LMAN2: variants seen among roughly 807,000 people sequenced by gnomAD.
LMAN2 encodes vesicular integral-membrane protein VIP36.
LMAN2 carries 22 observed loss-of-function variants against 39.3 expected under a neutral mutation model. The observed-to-expected ratio is 0.56, with a 90% confidence interval of 0.40 to 0.80. The LOEUF is 0.80. Among genes scored for constraint, LMAN2 ranks in the 30% least tolerant of loss-of-function variants. The pLI is 0.00. For synonymous variants in LMAN2, 207 were observed against 207.8 expected (o/e 1.00, Z 0.03); for missense variants, 494 against 505.4 (o/e 0.98, Z 0.22).
At chr5:177,345,109 G>C (rs902656577) in intron 2 of LMAN2, among the ~76,000 whole-genome samples, 3 of 151,796 alleles carry the variant, frequency 2.0e-5, no homozygotes, top group Non-Finnish European at 2.9e-5. Context: ...GGGAGGGCAA[G>C]GTGGGTGGAC....
Position 177,337,712 on chromosome 5 carries a change from G to C in LMAN2, c.507C>G (p.Thr169=), listed in dbSNP as rs769121880. 3 of 1,613,976 alleles carry C rather than the reference G, an allele frequency of 1.9e-6. No homozygotes were observed. In the South Asian group the frequency reaches 3.3e-5, roughly 18 times the overall value. Residue 169 remains threonine (T), a synonymous_variant, in exon 4 of 8, where the codon ACC becomes ACG. Transcript: ENST00000303127. This position sits in a 1 kb window ranked among gnomAD's most constrained non-coding sequence, Gnocchi z 8.2. ...IFLDTYPNDE[T]TERVFPYISV... The stretch of plus-strand genomic sequence containing the variant: ...GGATAGAGCAGGGGCCTACCTCAGT[G>C]GTCTCATCATTGGGGTAGGTGTCCA...
rs532702564 is a variant in LMAN2, at chr5:177,336,026, T to C, written c.790+1110A>G. On this transcript the variant is annotated intron_variant, in intron 6 of 7. Coordinates refer to ENST00000303127, the MANE Select transcript of LMAN2 (RefSeq NM_006816.3). ...CTGCCCTGGGCCAAACAGCCATTTATAGAGCTTACAATTGAGCAGGAGGGC... is the reference window on the plus strand; with the variant it reads ...CTGCCCTGGGCCAAACAGCCATTTACAGAGCTTACAATTGAGCAGGAGGGC... 1.2e-4 allele frequency among the ~76,000 whole-genome samples: 18 copies of C among 152,326 alleles called. No homozygotes were observed. The South Asian group carries it at 1.9e-3, about 16-fold the overall frequency.
intron 2 of LMAN2, among the ~76,000 whole-genome samples, chr5:177,339,402 G>A (rs1184215776): frequency 6.6e-6 from 1 of 152,238 alleles, no homozygotes; most frequent in African/African-American, 2.4e-5. Flanking sequence ...CGCTGGGGAT[G>A]AGAGCTGGTC....
intron 2 of LMAN2, among the ~76,000 whole-genome samples, chr5:177,339,198 C>T (rs1363463895): frequency 6.6e-6 from 1 of 152,186 alleles, no homozygotes; most frequent in Admixed American, 6.5e-5. Context: ...GGCCTGCAGG[C>T]CTTTCACATA....
At chr5:177,336,779 G>A (rs889552888) in intron 6 of LMAN2, 3 of 379,924 alleles carry the variant, frequency 7.9e-6, no homozygotes, top group East Asian at 6.6e-5. Context: ...TAACTGACCC[G>A]CTGCCTCCTG....
Position 177,332,298 on chromosome 5 carries a change from G to A in LMAN2, c.911-52C>T. 1.3e-6 allele frequency: 2 copies of A among 1,551,010 alleles called. No homozygotes were observed. The highest frequency in any genetic ancestry group is 1.8e-6 in the Non-Finnish European group (2 of 1,135,360). On this transcript the variant is annotated intron_variant, in intron 7 of 7. Coordinates refer to ENST00000303127, the MANE Select transcript of LMAN2 (RefSeq NM_006816.3). The surrounding 1 kb of genome is among the most constrained non-coding windows in gnomAD (Gnocchi z 6.3). ...AAACGGCAGCACGGGCCGGGGATCA[G>A]GGGGCTGCAGGAGGGCAGTGGGGAT... is the stretch of plus-strand genomic sequence containing the variant.
intron 3 of LMAN2, among the ~76,000 whole-genome samples, chr5:177,338,031 G>C (rs962873128): frequency 6.6e-6 from 1 of 152,070 alleles, no homozygotes; most frequent in Non-Finnish European, 1.5e-5. Context: ...GCAGATGTCA[G>C]GTGTCAAGGG....
At chr5:177,349,363 T>G (rs370594741) in intron 2 of LMAN2, among the ~76,000 whole-genome samples, 1 of 152,322 alleles carries the variant, frequency 6.6e-6, no homozygotes, top group South Asian at 2.1e-4. Flanking sequence ...CTCCAGCTCA[T>G]TAAAGGAAGA....
At chr5:177,342,585 C>T (rs1403173550) in intron 2 of LMAN2, among the ~76,000 whole-genome samples, 4 of 152,122 alleles carry the variant, frequency 2.6e-5, no homozygotes, top group Non-Finnish European at 5.9e-5. Flanking sequence ...ACTTGTGGGG[C>T]TGAGGCAGGA....
rs1470154413 is a variant in LMAN2, at chr5:177,337,018, G to C, written c.790+118C>G. The stretch of plus-strand genomic sequence containing the variant: ...CCATTTACAGAAGAAAGGAGGAGGA[G>C]GAACACAGCCAGGTGAGCTCAGAAA... On this transcript the variant is annotated intron_variant, in intron 6 of 7. Transcript: ENST00000303127. This position sits in a 1 kb window ranked among gnomAD's most constrained non-coding sequence, Gnocchi z 8.2. 3 of 721,294 alleles carry C rather than the reference G, an allele frequency of 4.2e-6. No individual in the cohort carries two copies. Among genetic ancestry groups the C allele is most frequent in the Non-Finnish European group, 7.1e-6 (3 of 421,290 alleles). 44.7% of individuals were successfully genotyped at this position (721,294 alleles called of 1,614,324 possible).
intron 2 of LMAN2, among the ~76,000 whole-genome samples, chr5:177,350,822 A>AGG (rs1019464072): frequency 6.6e-6 from 1 of 152,148 alleles, no homozygotes; most frequent in East Asian, 1.9e-4. Context: ...CCCATTACTG[A>AGG]GGGGGTTCAA....
At chr5:177,336,759 T>G (rs1266894207) in intron 6 of LMAN2, among the ~76,000 whole-genome samples, 1 of 152,182 alleles carries the variant, frequency 6.6e-6, no homozygotes, top group Non-Finnish European at 1.5e-5. Flanking sequence ...GAATCTACAT[T>G]GCCCAAATCT....
intron 2 of LMAN2, among the ~76,000 whole-genome samples, chr5:177,345,872 A>G (rs948234846): frequency 1.3e-5 from 2 of 152,072 alleles, no homozygotes; most frequent in South Asian, 2.1e-4. Context: ...GGTTCAAGCA[A>G]TTCTCCTGCC....
intron 2 of LMAN2, among the ~76,000 whole-genome samples, chr5:177,342,871 T>TGA (rs1227627019): frequency 6.6e-6 from 1 of 150,680 alleles, no homozygotes; most frequent in Non-Finnish European, 1.5e-5. Context: ...TCAAAGAGCA[T>TGA]GATCAAGAGG....
At chr5:177,351,042 T>C in intron 2 of LMAN2, 131 bp downstream of exon 2, 1 of 778,492 alleles carries the variant, frequency 1.3e-6, no homozygotes, top group South Asian at 1.4e-5. Flanking sequence ...TATTGGTGGG[T>C]GTGACCGAGA....
At chr5:177,341,403 A>AG (rs888183223) in intron 2 of LMAN2, among the ~76,000 whole-genome samples, 5 of 152,150 alleles carry the variant, frequency 3.3e-5, no homozygotes, top group African/African-American at 1.2e-4. Flanking sequence ...AAGGAACCAG[A>AG]GGGAAAAAAG....
At chr5:177,346,089 C>T (rs570125196) in intron 2 of LMAN2, 79 of 153,414 alleles carry the variant, frequency 5.1e-4, no homozygotes, top group African/African-American at 1.9e-3. Context: ...TTAAAGATAC[C>T]TGAAGAAAAC....
rs535436941 is a variant in LMAN2 at position 177,332,432 on chromosome 5, G to A, written c.911-186C>T. Among the ~76,000 whole-genome samples the A allele has an allele frequency of 6.6e-6, 1 of 152,278 alleles. No homozygotes were observed. Among genetic ancestry groups the A allele is most frequent in the East Asian group, 1.9e-4 (1 of 5,188 alleles). On this transcript the variant is annotated intron_variant, in intron 7 of 7. Coordinates refer to ENST00000303127, the MANE Select transcript of LMAN2 (RefSeq NM_006816.3). The surrounding 1 kb of genome is among the most constrained non-coding windows in gnomAD (Gnocchi z 6.3). The stretch of plus-strand genomic sequence containing the variant: ...TCCCAGCCAGCTCTGCAGTCCCCAG[G>A]GCAGGGTGGGGCAGAGAGAGGACCA...
At chr5:177,346,729 T>C (rs1359585387) in intron 2 of LMAN2, among the ~76,000 whole-genome samples, 3 of 151,950 alleles carry the variant, frequency 2.0e-5, no homozygotes, top group Admixed American at 1.3e-4. Context: ...TTTGAACTCC[T>C]TGACTCAAGC....
Sources: gnomAD v4.1 joint callset for allele counts (sites outside exome capture counted in the v4.1 genomes callset) on GRCh38, gnomAD v4.1.1 for gene constraint, Gnocchi (gnomAD v3.1) non-coding constraint, MANE v1.5 for transcripts, NCBI Gene and HGNC (gene_info 2026-07-23, HGNC 2026-07-21) for gene names.